ZCCHC2: variants seen among roughly 807,000 people sequenced by gnomAD.
ZCCHC2 encodes the protein zinc finger CCHC-type containing 2, also known as zinc finger CCHC domain-containing protein 2.
A neutral mutation model predicts 103.6 loss-of-function variants in ZCCHC2; 39 were observed. That is an observed-to-expected ratio of 0.38 (90% CI 0.29 to 0.49). The LOEUF (loss-of-function observed/expected upper bound fraction) is 0.49, where lower values mean the gene tolerates loss of function less well. Ranked by LOEUF, ZCCHC2 falls within the 20% of genes least tolerant of loss-of-function variation. The pLI is 0.96. For synonymous variants in ZCCHC2, 687 were observed against 608.9 expected (o/e 1.13, Z -1.89); for missense variants, 1,483 against 1,491.0 (o/e 0.99, Z 0.09).
chr18:62,549,657 A>T (rs1353508280), intron 4 of ZCCHC2, among the ~76,000 whole-genome samples: 1 of 152,216 alleles, frequency 6.6e-6, no homozygotes, highest in African/African-American at 2.4e-5. Context: ...TCAATTTAGG[A>T]ATTTTTTTAA....
chr18:62,535,093 T>C (rs1914862943), intron 1 of ZCCHC2, among the ~76,000 whole-genome samples: 1 of 152,164 alleles, frequency 6.6e-6, no homozygotes, highest in Non-Finnish European at 1.5e-5. Context: ...GACGACCCCT[T>C]GGCCTCCCTC....
intron 1 of ZCCHC2, among the ~76,000 whole-genome samples, chr18:62,528,599 GAAA>G (rs11409827): frequency 1.4e-5 from 2 of 144,838 alleles, no homozygotes; most frequent in Non-Finnish European, 3.0e-5. Context: ...ACTGTCTCGG[GAAA>G]AAAAAAAAAA....
intron 13 of ZCCHC2, 139 bp downstream of exon 13, chr18:62,575,689 C>A: frequency 9.3e-7 from 1 of 1,078,886 alleles, no homozygotes; most frequent in Non-Finnish European, 1.3e-6. Context: ...AGTGACAGAT[C>A]ATAAAATGCA....
Position 62,575,508 on chromosome 18 carries a change from G to T in ZCCHC2, c.3427G>T (p.Ala1143Ser), listed in dbSNP as rs754188961. The T allele has an allele frequency of 2.2e-5, 35 of 1,613,908 alleles. No homozygotes were observed. The highest frequency in any genetic ancestry group is 2.9e-5 in the Non-Finnish European group (34 of 1,179,904). ...CAATTGTGGTGTAAGCGGACACTAT[G>T]CACAGGACTGTAAGCAGTCGTCCAT... ...CYNCGVSGHY[A>S]QDCKQSSMEA... Residue 1143 changes from alanine (A) to serine (S), a missense_variant, in exon 13 of 14, where the codon GCA becomes TCA. Coordinates refer to ENST00000269499, the MANE Select transcript of ZCCHC2 (RefSeq NM_017742.6).
At chr18:62,564,965 C>T in intron 10 of ZCCHC2, 37 bp from the exon 11 acceptor site, 2 of 1,457,530 alleles carry the variant, frequency 1.4e-6, no homozygotes, top group South Asian at 2.3e-5. Context: ...GGTAGATAAC[C>T]TTATTAAAAT....
intron 3 of ZCCHC2, among the ~76,000 whole-genome samples, 184 bp from the exon 4 acceptor site, chr18:62,544,618 G>A (rs777320480): frequency 3.3e-5 from 5 of 152,128 alleles, no homozygotes; most frequent in South Asian, 2.1e-4. Context: ...TTTGAGTAGC[G>A]TATGTCAATG....
At chr18:62,532,624 T>A (rs1441150422) in intron 1 of ZCCHC2, among the ~76,000 whole-genome samples, 3 of 152,236 alleles carry the variant, frequency 2.0e-5, no homozygotes, top group Non-Finnish European at 4.4e-5. Context: ...GTATGATGTT[T>A]TCTGGAATTG....
At chr18:62,535,448 C>T (rs1453146317) in intron 1 of ZCCHC2, among the ~76,000 whole-genome samples, 1 of 152,178 alleles carries the variant, frequency 6.6e-6, no homozygotes, top group African/African-American at 2.4e-5. Context: ...AAAACAATGA[C>T]CATTTTATTA....
chr18:62,523,797 C>T lies in ZCCHC2; in HGVS notation c.373C>T (p.Leu125=), dbSNP rs1243702741. The T allele has an allele frequency of 6.5e-7, 1 of 1,542,212 alleles. No homozygotes were observed. The highest frequency in any genetic ancestry group is 8.7e-7 in the Non-Finnish European group (1 of 1,146,166). ...CGGGCTGCTGGACCTGTGCAACCCGCTGGAGCTGCGCTTCCTTGGCTCGTG... is the reference window on the plus strand; with the variant it reads ...CGGGCTGCTGGACCTGTGCAACCCGTTGGAGCTGCGCTTCCTTGGCTCGTG... ...MCGLLDLCNP[L]ELRFLGSCLE... Residue 125 remains leucine (L), a synonymous_variant, in exon 1 of 14, where the codon CTG becomes TTG. Transcript: ENST00000269499.
At chr18:62,573,970 A>G in intron 12 of ZCCHC2, 87 bp from the exon 13 acceptor site, 1 of 1,347,562 alleles carries the variant, frequency 7.4e-7, no homozygotes, top group African/African-American at 1.5e-5. Context: ...AACTTGAGTT[A>G]CTTTGAGGTA....
intron 6 of ZCCHC2, among the ~76,000 whole-genome samples, chr18:62,557,653 C>G (rs1915951238): frequency 6.6e-6 from 1 of 152,172 alleles, no homozygotes; most frequent in South Asian, 2.1e-4. Flanking sequence ...AGTGCTTTCC[C>G]CCTGCGCCAA....
At chr18:62,558,205 CA>C (rs1915973879) in intron 6 of ZCCHC2, among the ~76,000 whole-genome samples, 1 of 152,016 alleles carries the variant, frequency 6.6e-6, no homozygotes, top group Non-Finnish European at 1.5e-5. Flanking sequence ...TTGCATGGGC[CA>C]GTGCTGGTCC....
At chr18:62,549,726 T>C (rs992919864) in intron 4 of ZCCHC2, among the ~76,000 whole-genome samples, 1 of 152,244 alleles carries the variant, frequency 6.6e-6, no homozygotes, top group African/African-American at 2.4e-5. Context: ...GTGTTGATTT[T>C]TTTGTGGTTT....
chr18:62,531,535 A>G (rs1370728992), intron 1 of ZCCHC2, among the ~76,000 whole-genome samples: 1 of 152,170 alleles, frequency 6.6e-6, no homozygotes, highest in Non-Finnish European at 1.5e-5. Flanking sequence ...TCTGTTTCCT[A>G]TAATTGTTGT....
chr18:62,538,161 C>T (rs1342687320), intron 1 of ZCCHC2, among the ~76,000 whole-genome samples: 1 of 149,920 alleles, frequency 6.7e-6, no homozygotes, highest in Non-Finnish European at 1.5e-5. Flanking sequence ...TTTGGGATGC[C>T]GAGTTGAGAG....
intron 5 of ZCCHC2, among the ~76,000 whole-genome samples, chr18:62,552,829 G>A (rs192059410): frequency 1.3e-5 from 2 of 151,176 alleles, no homozygotes; most frequent in African/African-American, 4.9e-5. Context: ...GCTTGAGGCC[G>A]CAGTGAGCTA....
rs1404824510 is a variant in ZCCHC2 at position 62,564,646 on chromosome 18, T to G, written c.1751+11T>G. 1.3e-6 allele frequency: 2 copies of G among 1,534,264 alleles called. No individual in the cohort carries two copies. Among genetic ancestry groups the G allele is most frequent in the East Asian group, 4.9e-5 (2 of 40,748 alleles). On this transcript the variant is annotated intron_variant, in intron 10 of 13. Transcript: ENST00000269499. ...GCCACAAACAGAAAAGTAGGTTCAATTTAAGGAAAGACAGCATATAGCCTT... is the reference window on the plus strand; with the variant it reads ...GCCACAAACAGAAAAGTAGGTTCAAGTTAAGGAAAGACAGCATATAGCCTT...
intron 1 of ZCCHC2, among the ~76,000 whole-genome samples, chr18:62,530,855 T>C (rs1914643281): frequency 6.6e-6 from 1 of 152,236 alleles, no homozygotes; most frequent in African/African-American, 2.4e-5. Context: ...TAAATCCTGA[T>C]CCTGTTTTCA....
At chr18:62,524,559 C>T (rs1376052076) in intron 1 of ZCCHC2, 196 bp downstream of exon 1, 4 of 822,798 alleles carry the variant, frequency 4.9e-6, no homozygotes, top group East Asian at 6.5e-5. Context: ...CCACCCCACC[C>T]CACACCCCGG....
Sources: allele counts gnomAD v4.1 joint callset (sites outside exome capture counted in the v4.1 genomes callset), GRCh38; gene constraint gnomAD v4.1.1; transcripts MANE v1.5; gene names NCBI Gene and HGNC (gene_info 2026-07-23, HGNC 2026-07-21).